FHIT: variants seen among roughly 807,000 people sequenced by gnomAD.
The protein encoded by FHIT is fragile histidine triad diadenosine triphosphatase.
In FHIT, 19 loss-of-function variants were observed where a neutral mutation model predicts 17.9. The observed-to-expected ratio is 1.06, with a 90% CI of 0.74 to 1.56. The LOEUF (loss-of-function observed/expected upper bound fraction) is 1.56, where lower values mean the gene tolerates loss of function less well. Among genes scored for constraint, FHIT ranks in the 40% most tolerant of loss-of-function variants. The probability of loss-of-function intolerance (pLI) is 0.00; values close to 1 mark genes in which losing one functional copy is unlikely to be tolerated. For missense variants in FHIT, 248 were observed against 189.2 expected, an observed-to-expected ratio of 1.31 and a Z score of -1.82; for synonymous variants, 81 against 69.7, an observed-to-expected ratio of 1.16 and a Z score of -0.81.
At chr3:60,880,687 G>A (rs1413256209) in intron 3 of FHIT, among the ~76,000 whole-genome samples, 7 of 152,104 alleles carry the variant, frequency 4.6e-5, no homozygotes, top group East Asian at 1.9e-4. Context: ...AGCTGAGATC[G>A]TGCCATTGCA....
intron 8 of FHIT, among the ~76,000 whole-genome samples, chr3:59,846,990 G>A (rs1238901584): frequency 1.3e-5 from 2 of 152,026 alleles, no homozygotes; most frequent in East Asian, 3.8e-4. Flanking sequence ...CTTCTCTTCT[G>A]CTGCTTTCAA....
chr3:60,579,397 A>G (rs868936173), intron 4 of FHIT, among the ~76,000 whole-genome samples: 1 of 152,166 alleles, frequency 6.6e-6, no homozygotes, highest in African/African-American at 2.4e-5. Flanking sequence ...CCTCAGTTGT[A>G]TGTGTACTCT....
intron 2 of FHIT, among the ~76,000 whole-genome samples, chr3:61,042,990 T>G (rs1161052536): frequency 6.6e-6 from 1 of 150,816 alleles, no homozygotes. Flanking sequence ...CAGGGAGAGG[T>G]TCCAAGATGG....
At chr3:60,076,480 T>C (rs1276314444) in intron 5 of FHIT, among the ~76,000 whole-genome samples, 1 of 149,238 alleles carries the variant, frequency 6.7e-6, no homozygotes, top group East Asian at 1.9e-4. Flanking sequence ...CAAGCCACAC[T>C]GTGGGGTAAT....
intron 5 of FHIT, among the ~76,000 whole-genome samples, chr3:60,335,634 G>A (rs1289643715): frequency 3.3e-5 from 5 of 151,962 alleles, no homozygotes; most frequent in African/African-American, 1.2e-4. Context: ...CGGGTGCTGT[G>A]TTAGATATGT....
intron 5 of FHIT, among the ~76,000 whole-genome samples, chr3:60,276,570 AT>A (rs1262365740): frequency 4.6e-5 from 7 of 152,280 alleles, no homozygotes; most frequent in Non-Finnish European, 1.5e-5. Flanking sequence ...TCATAAAAAT[AT>A]TTTTTAAACT....
At chr3:60,420,033 G>A (rs1702411424) in intron 5 of FHIT, among the ~76,000 whole-genome samples, 1 of 151,914 alleles carries the variant, frequency 6.6e-6, no homozygotes, top group Admixed American at 6.6e-5. Context: ...AAAGGTTCTG[G>A]GTCAAGGGGT....
At chr3:60,241,751 A>C (rs1308372233) in intron 5 of FHIT, among the ~76,000 whole-genome samples, 1 of 152,104 alleles carries the variant, frequency 6.6e-6, no homozygotes, top group Admixed American at 6.6e-5. Context: ...AGTTATATTC[A>C]TGACTAGTAG....
chr3:60,861,346 G>T (rs1553752559), intron 3 of FHIT, among the ~76,000 whole-genome samples: 1 of 140,528 alleles, frequency 7.1e-6, no homozygotes, highest in Non-Finnish European at 1.5e-5. Flanking sequence ...CTACTTCAGG[G>T]TTTCTCAGCC....
chr3:60,413,083 C>A (rs145518310), intron 5 of FHIT, among the ~76,000 whole-genome samples: 215 of 152,238 alleles, frequency 1.4e-3, no homozygotes, highest in Middle Eastern at 6.8e-3. Context: ...TGGACTAACA[C>A]ACAAACCTAG....
chr3:60,694,304 A>AAAAGAAAGG (rs1399494549), intron 4 of FHIT, among the ~76,000 whole-genome samples: 7 of 152,164 alleles, frequency 4.6e-5, no homozygotes, highest in Non-Finnish European at 7.3e-5. Flanking sequence ...AATAAAAAAA[A>AAAAGAAAGG]AAAGAAAGGA....
At chr3:60,860,481 ACATATGTAT>A (rs1228564501) in intron 3 of FHIT, among the ~76,000 whole-genome samples, 2 of 130,378 alleles carry the variant, frequency 1.5e-5, no homozygotes, top group Admixed American at 7.9e-5. Context: ...TATATATGAT[ACATATGTAT>A]CATATATATC....
intron 5 of FHIT, among the ~76,000 whole-genome samples, chr3:60,519,556 ATGTAT>A (rs2035282190): frequency 6.6e-6 from 1 of 151,652 alleles, no homozygotes; most frequent in African/African-American, 2.4e-5. Flanking sequence ...TTTATGTATT[ATGTAT>A]TGTATTCTTA....
intron 3 of FHIT, among the ~76,000 whole-genome samples, chr3:60,949,261 C>A (rs17064252): frequency 0.019 from 2,932 of 152,244 alleles, 95 homozygotes; most frequent in African/African-American, 0.067. Flanking sequence ...CAGCATTTCC[C>A]CTTTTACTCT....
chr3:61,209,840 T>C (rs906972046), intron 1 of FHIT, among the ~76,000 whole-genome samples: 6 of 152,248 alleles, frequency 3.9e-5, no homozygotes, highest in Non-Finnish European at 8.8e-5. Flanking sequence ...TCCAGCTTTG[T>C]TCCATTGCTG....
At chr3:60,357,950 G>T (rs1487205218) in intron 5 of FHIT, among the ~76,000 whole-genome samples, 1 of 152,156 alleles carries the variant, frequency 6.6e-6, no homozygotes, top group Non-Finnish European at 1.5e-5. Flanking sequence ...ATTGTATTAT[G>T]TACAGCAGCA....
chr3:60,955,214 A>G (rs1305330328), intron 3 of FHIT, among the ~76,000 whole-genome samples: 1 of 152,108 alleles, frequency 6.6e-6, no homozygotes, highest in Non-Finnish European at 1.5e-5. Context: ...ACATAGGAAT[A>G]TTATATAGCA....
At chr3:60,048,367 G>T (rs984423587) in intron 5 of FHIT, among the ~76,000 whole-genome samples, 60 of 151,362 alleles carry the variant, frequency 4.0e-4, no homozygotes, top group African/African-American at 1.4e-3. Context: ...TAGTAGAGAT[G>T]GGGTTTCACT....
chr3:59,892,591 G>A (rs919125508), intron 8 of FHIT, among the ~76,000 whole-genome samples: 1 of 152,246 alleles, frequency 6.6e-6, no homozygotes, highest in Middle Eastern at 3.4e-3. Flanking sequence ...GCCAGAACAC[G>A]AGAAACAAGA....
Sources: allele counts gnomAD v4.1 joint callset (sites outside exome capture counted in the v4.1 genomes callset), GRCh38; gene constraint gnomAD v4.1.1; transcripts MANE v1.5; gene names NCBI Gene and HGNC (gene_info 2026-07-23, HGNC 2026-07-21).